The following GATB variants were observed in gnomAD, a reference collection of about 807,000 sequenced individuals.
The protein encoded by GATB is glutamyl-tRNA amidotransferase subunit B, also known as glutamyl-tRNA(Gln) amidotransferase subunit B, mitochondrial.
Under a neutral mutation model 62.3 loss-of-function variants are expected in GATB, and 39 were observed. The ratio of observed to expected loss-of-function variants is 0.63; its 90% confidence interval spans 0.48 to 0.82. GATB has a LOEUF of 0.82. Among genes scored for constraint, GATB ranks in the 40% least tolerant of loss-of-function variants. The pLI, the probability that GATB is intolerant of heterozygous loss-of-function variation, is 0.00. For missense variants in GATB, 670 were observed against 684.0 expected (o/e 0.98, Z 0.23); for synonymous variants, 276 against 258.9 (o/e 1.07, Z -0.63).
chr4:151,687,947 G>A lies in GATB; in HGVS notation c.1331+683C>T, dbSNP rs191992880. ...GTTGAGTGAGACACACTGCATTTCC[G>A]CAGTGTGAAACTGGCATGAGCTTGT... On this transcript the variant is annotated intron_variant, in intron 10 of 12. Transcript: ENST00000263985. 4.3e-4 allele frequency among the ~76,000 whole-genome samples: 65 copies of A among 152,278 alleles called. No homozygotes were observed. The South Asian group carries it at 9.9e-3, about 23-fold the overall frequency.
chr4:151,703,611 G>A (rs1738649952), intron 8 of GATB: 2 of 553,120 alleles, frequency 3.6e-6, no homozygotes, highest in South Asian at 4.2e-5. Context: ...GGATGAACAA[G>A]TTCTTCCAAA....
intron 9 of GATB, among the ~76,000 whole-genome samples, chr4:151,692,109 G>A (rs925991604): frequency 1.3e-5 from 2 of 152,180 alleles, no homozygotes; most frequent in South Asian, 4.1e-4. Context: ...CACTGTCTAC[G>A]CACTCTCTCC....
At chr4:151,753,698 C>T (rs1055946445) in intron 2 of GATB, among the ~76,000 whole-genome samples, 1 of 152,178 alleles carries the variant, frequency 6.6e-6, no homozygotes, top group African/African-American at 2.4e-5. Context: ...AGTAAGAACA[C>T]TTAACATGAG....
intron 9 of GATB, among the ~76,000 whole-genome samples, chr4:151,698,956 T>C (rs981746313): frequency 6.6e-6 from 1 of 152,026 alleles, no homozygotes; most frequent in African/African-American, 2.4e-5. Flanking sequence ...TCTAGTGTAA[T>C]CTGTCCTGTG....
intron 10 of GATB, among the ~76,000 whole-genome samples, chr4:151,685,045 C>T (rs1322115526): frequency 6.6e-6 from 1 of 152,214 alleles, no homozygotes; most frequent in Non-Finnish European, 1.5e-5. Context: ...TCCGTCACCT[C>T]GTCTGCTAAA....
At position 151,716,279 on chromosome 4, in the gene GATB, T is replaced by C. The variant is rs904227880; in HGVS notation, c.641-148A>G. 3.0e-4 allele frequency: 79 copies of C among 260,916 alleles called. No individual in the cohort carries two copies. The Admixed American group carries it at 4.6e-3, about 15-fold the overall frequency. The allele number at this position is 260,916 out of a possible 1,614,324, so 16.2% of individuals were successfully genotyped here. A position where few individuals can be genotyped will look rare whatever the true frequency, so the allele number is the denominator to read the frequency against. ...CAATCATTTCTCTTCCCTCCCACCT[T>C]TTTTTTTTTTTTTTTTTTAAAGAGG... is the stretch of plus-strand genomic sequence containing the variant. On this transcript the variant is annotated intron_variant, in intron 4 of 12. Transcript: ENST00000263985.
At position 151,719,414 on chromosome 4, in the gene GATB, A is replaced by G. The variant is rs754643964; in HGVS notation, c.441+11T>C. 5 of 1,586,764 alleles carry G rather than the reference A, an allele frequency of 3.2e-6. No individual in the cohort carries two copies. In the African/African-American group the frequency reaches 5.4e-5, roughly 17 times the overall value. The stretch of plus-strand genomic sequence containing the variant: ...GAACTTGCAGTGGGGTGGATCACAA[A>G]GTGTACTTACAGGGAGGTCTGCATA... On this transcript the variant is annotated intron_variant, in intron 3 of 12. Coordinates refer to ENST00000263985, the MANE Select transcript of GATB (RefSeq NM_004564.3).
intron 4 of GATB, among the ~76,000 whole-genome samples, chr4:151,716,646 T>C (rs1738918390): frequency 1.3e-5 from 2 of 152,198 alleles, no homozygotes; most frequent in Non-Finnish European, 2.9e-5. Context: ...ACTAGGTGGA[T>C]AGGTTTGTCT....
At position 151,681,787 on chromosome 4, in the gene GATB, A is replaced by G. The variant is rs543206184; in HGVS notation, c.1332-1896T>C. On this transcript the variant is annotated intron_variant, in intron 10 of 12. Coordinates refer to ENST00000263985, the MANE Select transcript of GATB (RefSeq NM_004564.3). The stretch of plus-strand genomic sequence containing the variant: ...AAAGGCGCTGGCAGATTCCATGTCT[A>G]GTGAGGGTCCACTTTCTCACTGGTG... Among the ~76,000 whole-genome samples the G allele has an allele frequency of 7.9e-5, 12 of 152,334 alleles. 1 individual carries two copies. In the South Asian group the frequency reaches 2.5e-3, roughly 32 times the overall value.
rs756102088 is a variant in GATB at position 151,701,493 on chromosome 4, G to C, written c.1033C>G (p.Pro345Ala). Reference sequence around the variant, plus strand: ...GATGTGGCGTCGTAGAGCACCAGGGGAGGCAGGTTGGGTTCTGGCATGAAC... The same window carrying C: ...GATGTGGCGTCGTAGAGCACCAGGGCAGGCAGGTTGGGTTCTGGCATGAAC... ...YRFMPEPNLP[P>A]LVLYDATSLP... Residue 345 changes from proline (P) to alanine (A), a missense_variant, in exon 9 of 13, where the codon CCC becomes GCC. By Grantham distance (27) the Pro-to-Ala change is conservative. Transcript: ENST00000263985. 6.4e-7 allele frequency: 1 copy of C among 1,574,486 alleles called. No individual in the cohort carries two copies. Among genetic ancestry groups the C allele is most frequent in the African/African-American group, 1.4e-5 (1 of 73,654 alleles).
intron 11 of GATB, chr4:151,674,823 C>A (rs1470844570): frequency 6.6e-6 from 1 of 152,226 alleles, no homozygotes; most frequent in Non-Finnish European, 1.5e-5. Context: ...AAAACAGAAA[C>A]CACCTGTAAG....
chr4:151,728,761 T>C (rs978937134), intron 2 of GATB, among the ~76,000 whole-genome samples: 8 of 152,220 alleles, frequency 5.3e-5, no homozygotes, highest in African/African-American at 1.9e-4. Context: ...ATAATCAGAA[T>C]GAGATTTACT....
intron 5 of GATB, among the ~76,000 whole-genome samples, chr4:151,714,040 T>A (rs1274489558): frequency 6.6e-6 from 1 of 151,862 alleles, no homozygotes; most frequent in African/African-American, 2.4e-5. Context: ...CTGATAGATA[T>A]TATTATCGTT....
In GATB at chr4:151,682,805, T is replaced by A. The variant is rs113787399; in HGVS notation, c.1332-2914A>T. ...GCAAGAAGAAGGAAGACATTGGGACTTGGGCCTCCAGGTGGTACCTGCTGC... is the reference window on the plus strand; with the variant it reads ...GCAAGAAGAAGGAAGACATTGGGACATGGGCCTCCAGGTGGTACCTGCTGC... On this transcript the variant is annotated intron_variant, in intron 10 of 12. Transcript: ENST00000263985. 7.2e-5 allele frequency among the ~76,000 whole-genome samples: 11 copies of A among 152,280 alleles called. 1 individual carries two copies. Among genetic ancestry groups the A allele is most frequent in the African/African-American group, 2.6e-4 (11 of 41,560 alleles).
chr4:151,743,113 G>T (rs1485102878), intron 2 of GATB, among the ~76,000 whole-genome samples: 2 of 152,190 alleles, frequency 1.3e-5, no homozygotes, highest in African/African-American at 2.4e-5. Context: ...AGAAGTCAGT[G>T]TAGAGAAAAC....
chr4:151,675,043 A>C (rs1390460230), intron 11 of GATB: 1 of 152,210 alleles, frequency 6.6e-6, no homozygotes, highest in East Asian at 1.9e-4. Flanking sequence ...CCTCTTTCTG[A>C]CGGGACCCAC....
chr4:151,751,864 T>C (rs4696112), intron 2 of GATB, among the ~76,000 whole-genome samples: 151,906 of 152,316 alleles, frequency 1, 75,753 homozygotes, highest in Middle Eastern at 1. Flanking sequence ...CAGATACCTG[T>C]TAATTCCCTA....
intron 2 of GATB, chr4:151,721,071 T>C (rs1739022298): frequency 6.6e-6 from 1 of 152,192 alleles, no homozygotes; most frequent in South Asian, 2.1e-4. Flanking sequence ...ACCCCGTCTC[T>C]ACTAAAAATA....
In GATB at chr4:151,716,873, TA is replaced by T; in HGVS notation, c.640+2del. ...AGAAATAATGAAAACACTCCAAGCC[TA>T]CCTGCCCTGTTCAAATCAATGAGCG... is the stretch of plus-strand genomic sequence containing the variant. On this transcript the variant is annotated splice_donor_variant, in intron 4 of 12. Coordinates refer to ENST00000263985, the MANE Select transcript of GATB (RefSeq NM_004564.3). LOFTEE classifies it high-confidence loss of function. 2 of 1,613,908 alleles carry T rather than the reference TA, an allele frequency of 1.2e-6. No homozygotes were observed. Among genetic ancestry groups the T allele is most frequent in the Non-Finnish European group, 1.7e-6 (2 of 1,179,772 alleles).
Sources: gnomAD v4.1 joint callset for allele counts (sites outside exome capture counted in the v4.1 genomes callset) on GRCh38, gnomAD v4.1.1 for gene constraint, MANE v1.5 for transcripts, NCBI Gene and HGNC (gene_info 2026-07-23, HGNC 2026-07-21) for gene names.